Variants in SDK1 observed in about 807,000 individuals in gnomAD.
SDK1 encodes protein sidekick-1.
A neutral mutation model predicts 245.5 loss-of-function variants in SDK1; 157 were observed. The ratio of observed to expected loss-of-function variants is 0.64; its 90% CI spans 0.56 to 0.73. The LOEUF (loss-of-function observed/expected upper bound fraction) is 0.73, where lower values mean the gene tolerates loss of function less well. Ranked by LOEUF, SDK1 falls within the 30% of genes least tolerant of loss-of-function variation. SDK1 has a pLI of 0.00. For synonymous variants in SDK1, 1,647 were observed against 1,278.5 expected (o/e 1.29, Z -6.15); for missense variants, 3,583 against 3,002.3 (o/e 1.19, Z -4.52).
intron 1 of SDK1, among the ~76,000 whole-genome samples, chr7:3,536,833 T>C (rs1433959596): frequency 1.3e-5 from 2 of 152,326 alleles, no homozygotes; most frequent in South Asian, 4.1e-4. Context: ...ACAATTGATA[T>C]TTTATTGGGA....
At chr7:3,652,276 T>C (rs2128656229) in intron 4 of SDK1, among the ~76,000 whole-genome samples, 1 of 152,262 alleles carries the variant, frequency 6.6e-6, no homozygotes, top group African/African-American at 2.4e-5. Flanking sequence ...TATGTATTAA[T>C]GGAAGTTCTC....
chr7:3,705,350 C>G (rs1023214970), intron 4 of SDK1, among the ~76,000 whole-genome samples: 3 of 151,340 alleles, frequency 2.0e-5, no homozygotes, highest in Non-Finnish European at 4.4e-5. Context: ...TATTTGTCAT[C>G]TATGATTTTT....
At chr7:3,396,093 A>T (rs953793404) in intron 1 of SDK1, among the ~76,000 whole-genome samples, 9 of 151,772 alleles carry the variant, frequency 5.9e-5, no homozygotes, top group African/African-American at 2.2e-4. Context: ...TGTTAACACT[A>T]TACGTTTTTT....
intron 14 of SDK1, among the ~76,000 whole-genome samples, chr7:4,009,595 G>A (rs572405974): frequency 3.9e-5 from 6 of 152,358 alleles, no homozygotes; most frequent in South Asian, 2.1e-4. Context: ...AGCCAAGAAC[G>A]CTGAAATGCC....
chr7:3,458,720 C>T lies in SDK1; in HGVS notation c.298+156836C>T, dbSNP rs563614643. 9.2e-5 allele frequency among the ~76,000 whole-genome samples: 14 copies of T among 152,146 alleles called. No individual in the cohort carries two copies. The South Asian group carries it at 2.7e-3, about 29-fold the overall frequency. On this transcript the variant is annotated intron_variant, in intron 1 of 44. Coordinates refer to ENST00000404826, the MANE Select transcript of SDK1 (RefSeq NM_152744.4). ...GCAGCATCATTATAATTAACATAAT[C>T]ATCCTTTCTCCAGTGCAGCGCAGTG...
intron 1 of SDK1, among the ~76,000 whole-genome samples, chr7:3,336,712 T>C (rs1020537880): frequency 1.3e-4 from 20 of 152,056 alleles, no homozygotes; most frequent in African/African-American, 3.4e-4. Flanking sequence ...CCCTTCCCTG[T>C]GGTAGCTTGG....
chr7:3,857,094 A>G (rs1780566053), intron 5 of SDK1, among the ~76,000 whole-genome samples: 1 of 152,182 alleles, frequency 6.6e-6, no homozygotes, highest in Non-Finnish European at 1.5e-5. Flanking sequence ...ACTGAAAAAA[A>G]TTACTCTTAG....
At chr7:4,186,618 G>A (rs1343952683) in intron 35 of SDK1, among the ~76,000 whole-genome samples, 1 of 152,186 alleles carries the variant, frequency 6.6e-6, no homozygotes, top group African/African-American at 2.4e-5. Flanking sequence ...GGGGCCTACA[G>A]CTGGGAAGCT....
intron 25 of SDK1, among the ~76,000 whole-genome samples, chr7:4,124,823 T>A (rs941752484): frequency 6.6e-6 from 1 of 152,194 alleles, no homozygotes; most frequent in African/African-American, 2.4e-5. Flanking sequence ...AAGGAATAGA[T>A]GAGTGAATGG....
intron 34 of SDK1, among the ~76,000 whole-genome samples, chr7:4,176,255 T>TGAGGCAGGGGGATCA (rs1404415129): frequency 6.6e-6 from 1 of 151,984 alleles, no homozygotes; most frequent in Non-Finnish European, 1.5e-5. Flanking sequence ...CTTGAACTCC[T>TGAGGCAGGGGGATCA]GGCTCAAGTG....
At chr7:3,945,134 G>A (rs145359391) in intron 5 of SDK1, among the ~76,000 whole-genome samples, 92 of 152,264 alleles carry the variant, frequency 6.0e-4, no homozygotes, top group African/African-American at 2.2e-3. Flanking sequence ...AACAAAAACA[G>A]TCTACTTGTA....
chr7:3,325,155 A>G (rs1463144833), intron 1 of SDK1, among the ~76,000 whole-genome samples: 1 of 152,068 alleles, frequency 6.6e-6, no homozygotes, highest in Non-Finnish European at 1.5e-5. Flanking sequence ...GGTGATGCTT[A>G]AAACACAGAT....
chr7:4,205,248 A>G (rs1420986588), intron 35 of SDK1, among the ~76,000 whole-genome samples: 5 of 152,170 alleles, frequency 3.3e-5, no homozygotes, highest in Non-Finnish European at 7.4e-5. Context: ...TATCTGGACG[A>G]ACTTCATCTA....
chr7:4,208,210 G>C lies in SDK1; in HGVS notation c.5326G>C (p.Val1776Leu). The C allele has an allele frequency of 6.2e-7, 1 of 1,614,150 alleles. No individual in the cohort carries two copies. Among genetic ancestry groups the C allele is most frequent in the Non-Finnish European group, 8.5e-7 (1 of 1,180,022 alleles). ...KNLTSHTKYL[V>L]SISAFNAAGD... ...CCTGACCAGCCATACCAAGTACCTG[G>C]TCAGCATATCAGCCTTCAACGCCGC... is the stretch of plus-strand genomic sequence containing the variant. Residue 1776 changes from valine (V) to leucine (L), a missense_variant, in exon 37 of 45, where the codon GTC (valine) becomes CTC (leucine). Physicochemically the swap from Val to Leu is conservative, Grantham distance 32. Coordinates refer to ENST00000404826, the MANE Select transcript of SDK1 (RefSeq NM_152744.4).
Position 4,067,968 on chromosome 7 carries a change from G to T in SDK1, c.3010+32G>T, listed in dbSNP as rs569975329. The T allele has an allele frequency of 2.5e-5, 38 of 1,505,070 alleles. No homozygotes were observed. In the South Asian group the frequency reaches 3.3e-4, roughly 13 times the overall value. The allele number at this position is 1,505,070 out of a possible 1,614,324, so 93.2% of individuals were successfully genotyped here. On this transcript the variant is annotated intron_variant, in intron 20 of 44. Coordinates refer to ENST00000404826, the MANE Select transcript of SDK1 (RefSeq NM_152744.4). ...AGGCCTGTCCTTCAAAAAAGGAAAA[G>T]ATAAGTTTGTCCTCACAAAAAGAAG...
chr7:4,012,168 A>G lies in SDK1; in HGVS notation c.2353A>G (p.Ile785Val), dbSNP rs1167882980. The G allele has an allele frequency of 3.2e-6, 5 of 1,580,390 alleles. No individual in the cohort carries two copies. In the South Asian group the frequency reaches 4.7e-5, roughly 15 times the overall value. The change falls in exon 16 of 45, where the codon ATT becomes GTT. Residue 785 changes from isoleucine (I) to valine (V), a missense_variant. Physicochemically the swap from Ile to Val is conservative, Grantham distance 29 (BLOSUM62 3). Transcript: ENST00000404826. ...GGCCAGTGGGCGGACTAATCAGTCC[A>G]TTATGGTCCAGTGGCAGCCACCCCC... The part of the protein sequence containing the change: ...IVASGRTNQS[I>V]MVQWQPPPET...
At chr7:3,658,327 C>T (rs1240378733) in intron 4 of SDK1, among the ~76,000 whole-genome samples, 1 of 152,132 alleles carries the variant, frequency 6.6e-6, no homozygotes, top group Non-Finnish European at 1.5e-5. Flanking sequence ...CCCCTAATAT[C>T]GAGGTCATCC....
intron 4 of SDK1, among the ~76,000 whole-genome samples, chr7:3,791,955 CT>C (rs1320717013): frequency 2.0e-5 from 3 of 151,790 alleles, no homozygotes; most frequent in African/African-American, 2.4e-5. Context: ...GAGAGTTTGT[CT>C]TTCCAAAAAA....
intron 35 of SDK1, among the ~76,000 whole-genome samples, chr7:4,191,326 C>A (rs1048549098): frequency 6.6e-6 from 1 of 152,340 alleles, no homozygotes; most frequent in East Asian, 1.9e-4. Flanking sequence ...ACGCACAGCC[C>A]GGCAGATGCC....
Sources: allele counts gnomAD v4.1 joint callset (sites outside exome capture counted in the v4.1 genomes callset), GRCh38; gene constraint gnomAD v4.1.1; transcripts MANE v1.5; gene names NCBI Gene and HGNC (gene_info 2026-07-23, HGNC 2026-07-21).